Variants in SORBS2 observed in about 807,000 individuals in gnomAD.
SORBS2 encodes the protein sorbin and SH3 domain-containing protein 2.
A neutral mutation model predicts 97.7 loss-of-function variants in SORBS2; 46 were observed. The ratio of observed to expected loss-of-function variants is 0.47; its 90% CI spans 0.37 to 0.60. The LOEUF (loss-of-function observed/expected upper bound fraction) is 0.60. SORBS2 is among the 20% of genes least tolerant of loss of function. The probability of loss-of-function intolerance (pLI) is 0.00; values close to 1 mark genes in which losing one functional copy is unlikely to be tolerated. For missense variants in SORBS2, 1,316 were observed against 1,282.3 expected (o/e 1.03, Z -0.40); for synonymous variants, 476 against 473.4 (o/e 1.01, Z -0.07).
chr4:185,646,600 T>TCC, intron 4 of SORBS2, 68 bp downstream of exon 13: 1 of 906,398 alleles, frequency 1.1e-6, no homozygotes, highest in Non-Finnish European at 1.8e-6. Context: ...GGGTCTGAAA[T>TCC]TCAGGTTTAT....
chr4:185,662,265 G>A (rs2097533752), intron 4 of SORBS2, 23 bp from the exon 8 acceptor site: 3 of 1,577,716 alleles, frequency 1.9e-6, no homozygotes, highest in Non-Finnish European at 2.6e-6. Context: ...CAAAGGCATC[G>A]AGTTAAATTA....
At chr4:185,735,029 G>A (rs1175855242) in intron 2 of SORBS2, among the ~76,000 whole-genome samples, 1 of 152,228 alleles carries the variant, frequency 6.6e-6, no homozygotes, top group East Asian at 1.9e-4. Context: ...ACACTGTGCA[G>A]ACAGAAAAGG....
intron 1 of SORBS2, among the ~76,000 whole-genome samples, chr4:185,847,187 C>T (rs1324923420): frequency 6.6e-6 from 1 of 152,176 alleles, no homozygotes; most frequent in African/African-American, 2.4e-5. Context: ...TGTAAGTCTG[C>T]TCCAGTGGAC....
intron 2 of SORBS2, among the ~76,000 whole-genome samples, chr4:185,724,416 G>A (rs901728888): frequency 6.6e-6 from 1 of 151,958 alleles, no homozygotes; most frequent in Non-Finnish European, 1.5e-5. Flanking sequence ...ATTTTCTAGA[G>A]TGCTGTGATA....
At chr4:185,594,230 A>G (rs1332060001) in intron 12 of SORBS2, among the ~76,000 whole-genome samples, 1 of 152,248 alleles carries the variant, frequency 6.6e-6, no homozygotes, top group Non-Finnish European at 1.5e-5. Context: ...TTCAAAGGCC[A>G]GGAATAAGGC....
chr4:185,741,636 T>A (rs2098727684), intron 2 of SORBS2, among the ~76,000 whole-genome samples: 1 of 152,114 alleles, frequency 6.6e-6, no homozygotes, highest in Non-Finnish European at 1.5e-5. Context: ...AGTGCTGGGA[T>A]TACAGGCGTG....
intron 7 of SORBS2, among the ~76,000 whole-genome samples, chr4:185,621,179 T>G (rs2096714156): frequency 6.6e-6 from 1 of 152,224 alleles, no homozygotes; most frequent in Non-Finnish European, 1.5e-5. Flanking sequence ...ATGAAAGAAT[T>G]TAAAGTGCTG....
At chr4:185,741,144 T>C (rs918080997) in intron 2 of SORBS2, among the ~76,000 whole-genome samples, 2 of 152,040 alleles carry the variant, frequency 1.3e-5, no homozygotes, top group Non-Finnish European at 2.9e-5. Flanking sequence ...GTCAGTACCT[T>C]GACTAAATAT....
chr4:185,671,178 C>T (rs552539818), intron 4 of SORBS2, among the ~76,000 whole-genome samples: 2 of 152,136 alleles, frequency 1.3e-5, no homozygotes, highest in Non-Finnish European at 1.5e-5. Context: ...ACCATATACT[C>T]CCCACCCAAG....
At chr4:185,771,553 G>C (rs1036225613) in intron 2 of SORBS2, 1 of 152,192 alleles carries the variant, frequency 6.6e-6, no homozygotes, top group African/African-American at 2.4e-5. Context: ...CTTCCAAATT[G>C]TGTTATTGCT....
In SORBS2 at chr4:185,846,536, T is replaced by C. The variant is rs1248674618; in HGVS notation, c.-337-71170A>G. Among the ~76,000 whole-genome samples the C allele has an allele frequency of 4.6e-5, 7 of 152,192 alleles. No homozygotes were observed. In the East Asian group the frequency reaches 1.3e-3, roughly 29 times the overall value. On this transcript the variant is annotated intron_variant, in intron 1 of 20. Coordinates refer to the SORBS2 transcript ENST00000284776. ...GTACTCCTAAAAAAGGTGAATACTGTATATAAATTATACTTTCATAAACCT... is the reference window on the plus strand; with the variant it reads ...GTACTCCTAAAAAAGGTGAATACTGCATATAAATTATACTTTCATAAACCT...
chr4:185,924,799 C>A (rs1439384773), intron 1 of SORBS2, among the ~76,000 whole-genome samples: 1 of 152,210 alleles, frequency 6.6e-6, no homozygotes, highest in East Asian at 1.9e-4. Context: ...AATCCCCACT[C>A]CCTCCGTCTC....
chr4:185,899,038 A>G (rs115454822), intron 1 of SORBS2, among the ~76,000 whole-genome samples: 2,437 of 152,200 alleles, frequency 0.016, 39 homozygotes, highest in Admixed American at 0.03. Flanking sequence ...CTCTTCCATG[A>G]TCACAGTGTG....
intron 1 of SORBS2, among the ~76,000 whole-genome samples, chr4:185,865,037 C>T (rs567226361): frequency 7.0e-4 from 107 of 152,216 alleles, no homozygotes; most frequent in African/African-American, 2.5e-3. Context: ...TCAATCTTTA[C>T]CTGCCCCGCC....
intron 1 of SORBS2, among the ~76,000 whole-genome samples, chr4:185,817,638 G>A (rs139464071): frequency 3.3e-5 from 5 of 152,304 alleles, no homozygotes; most frequent in East Asian, 1.9e-4. Flanking sequence ...CTGCCGTCAC[G>A]GCATTGTTGA....
chr4:185,760,243 G>C (rs2098867717), intron 2 of SORBS2, among the ~76,000 whole-genome samples: 1 of 152,152 alleles, frequency 6.6e-6, no homozygotes, highest in Non-Finnish European at 1.5e-5. Context: ...TATGAGGAAA[G>C]AATACTCTGA....
At chr4:185,599,953 G>A (rs1261626772) in intron 12 of SORBS2, among the ~76,000 whole-genome samples, 1 of 152,204 alleles carries the variant, frequency 6.6e-6, no homozygotes, top group Non-Finnish European at 1.5e-5. Context: ...CCTACCCTGT[G>A]GGAACCGCTG....
Position 185,869,644 on chromosome 4 carries a change from C to T in SORBS2, c.-338+86552G>A, listed in dbSNP as rs2099229278. 2.0e-5 allele frequency among the ~76,000 whole-genome samples: 3 copies of T among 152,240 alleles called. No homozygotes were observed. The South Asian group carries it at 6.2e-4, about 32-fold the overall frequency. On this transcript the variant is annotated intron_variant, in intron 1 of 20. Coordinates refer to the SORBS2 transcript ENST00000284776. Reference sequence around the variant, plus strand: ...CAGATGCTGGAAAATGTAGTTGTCACTTGTGCATGTTGTCATTTCTGATGC... The same window carrying T: ...CAGATGCTGGAAAATGTAGTTGTCATTTGTGCATGTTGTCATTTCTGATGC...
chr4:185,624,982 C>T (rs115503412), intron 6 of SORBS2, among the ~76,000 whole-genome samples: 3,321 of 152,196 alleles, frequency 0.022, 106 homozygotes, highest in African/African-American at 0.074. Flanking sequence ...ACATTTACAT[C>T]GAATTAATAC....
Sources: gnomAD v4.1 joint callset for allele counts (sites outside exome capture counted in the v4.1 genomes callset) on GRCh38, gnomAD v4.1.1 for gene constraint, MANE v1.5 for transcripts, NCBI Gene and HGNC (gene_info 2026-07-23, HGNC 2026-07-21) for gene names.